The following ZFAT variants were observed in gnomAD, a reference collection of about 807,000 sequenced individuals.
The protein encoded by ZFAT is zinc finger protein ZFAT.
In ZFAT, 64 loss-of-function variants were observed where a neutral mutation model predicts 117.7. The observed-to-expected ratio is 0.54, with a 90% CI of 0.44 to 0.67. The LOEUF is 0.67. ZFAT is among the 30% of genes least tolerant of loss of function. ZFAT has a pLI of 0.00. For synonymous variants in ZFAT, 679 were observed against 615.0 expected (o/e 1.10, Z -1.54); for missense variants, 1,433 against 1,584.5 (o/e 0.90, Z 1.62).
chr8:134,815,359 AT>A, the ZFAT span, among the ~76,000 whole-genome samples: 5 of 152,092 alleles, frequency 3.3e-5, no homozygotes, highest in Non-Finnish European at 7.4e-5. Context: ...ACTTGCTGGG[AT>A]TTTTTTTAAT....
the ZFAT span, among the ~76,000 whole-genome samples, chr8:134,821,343 T>C: frequency 6.6e-6 from 1 of 152,114 alleles, no homozygotes; most frequent in South Asian, 2.1e-4. Context: ...GCCAAAAAAA[T>C]GCAATGCAAA....
At chr8:134,728,973 T>C in the ZFAT span, among the ~76,000 whole-genome samples, 1 of 152,354 alleles carries the variant, frequency 6.6e-6, no homozygotes, top group East Asian at 1.9e-4. Flanking sequence ...TATTTTCAAT[T>C]TTGAAATTGT....
intron 3 of ZFAT, among the ~76,000 whole-genome samples, chr8:134,631,628 C>T (rs546951776): frequency 4.5e-4 from 69 of 152,334 alleles, no homozygotes; most frequent in African/African-American, 1.5e-3. Context: ...AGTTGGAGAA[C>T]AGGCTGGCAG....
intron 13 of ZFAT, among the ~76,000 whole-genome samples, chr8:134,513,637 G>C (rs994111442): frequency 1.3e-5 from 2 of 152,178 alleles, no homozygotes; most frequent in African/African-American, 2.4e-5. Context: ...TACAGAACTA[G>C]ATGTTAATAA....
the ZFAT span, among the ~76,000 whole-genome samples, chr8:134,750,512 C>A: frequency 1.1e-4 from 16 of 152,066 alleles, no homozygotes; most frequent in African/African-American, 3.9e-4. Flanking sequence ...TGCTCCTAAT[C>A]TCAAATTGAA....
intron 15 of ZFAT, among the ~76,000 whole-genome samples, chr8:134,496,516 G>A (rs1198506220): frequency 6.6e-6 from 1 of 152,224 alleles, no homozygotes; most frequent in Non-Finnish European, 1.5e-5. Context: ...TGGAGAGCAT[G>A]AGGCTGCTCA....
At chr8:134,752,744 A>C in the ZFAT span, among the ~76,000 whole-genome samples, 16 of 152,272 alleles carry the variant, frequency 1.1e-4, no homozygotes, top group East Asian at 2.9e-3. Context: ...ATCTTTATGC[A>C]GCACGCTCAC....
chr8:134,601,604 G>A lies in ZFAT; in HGVS notation c.2115C>T (p.Ala705=). The change falls in exon 6 of 16, where the codon GCC becomes GCT. Residue 705 remains alanine, a synonymous_variant. Transcript: ENST00000377838. ...ITHQPDSCKA[A]PEHRSGITAF... is the part of the protein sequence containing the mutation. Reference sequence around the variant, plus strand: ...CGGTGATGCCTGACCGGTGCTCAGGGGCAGCTTTGCAAGAGTCAGGCTGAT... The same window carrying A: ...CGGTGATGCCTGACCGGTGCTCAGGAGCAGCTTTGCAAGAGTCAGGCTGAT... The A allele has an allele frequency of 6.2e-7, 1 of 1,614,208 alleles. No individual in the cohort carries two copies. The highest frequency in any genetic ancestry group is 8.5e-7 in the Non-Finnish European group (1 of 1,180,050).
the ZFAT span, chr8:134,797,278 G>A: frequency 6.6e-6 from 1 of 152,058 alleles, no homozygotes; most frequent in African/African-American, 2.4e-5. Context: ...AGTGGGGAAA[G>A]CTTATCATAA....
chr8:134,601,340 G>A lies in ZFAT; in HGVS notation c.2242+137C>T, dbSNP rs1031489806. 8.5e-5 allele frequency: 111 copies of A among 1,312,896 alleles called. 1 individual carries two copies. In the Middle Eastern group the frequency reaches 1.1e-3, roughly 13 times the overall value. The allele number at this position is 1,312,896 out of a possible 1,614,324, so 81.3% of individuals were successfully genotyped here. On this transcript the variant is annotated intron_variant, in intron 6 of 15. Coordinates refer to ENST00000377838, the MANE Select transcript of ZFAT (RefSeq NM_020863.4). ...GCGCTAACGGCCACACAGGGTCACC[G>A]TTCCTATCTACAATGGAGGAGGATG...
chr8:134,506,537 C>T (rs953848187), intron 15 of ZFAT, among the ~76,000 whole-genome samples: 5 of 152,156 alleles, frequency 3.3e-5, no homozygotes, highest in Non-Finnish European at 5.9e-5. Context: ...ACAGTTTTTT[C>T]CCAGCTCTCT....
the ZFAT span, among the ~76,000 whole-genome samples, chr8:134,733,632 A>G: frequency 3.1e-4 from 47 of 152,376 alleles, no homozygotes; most frequent in African/African-American, 1.0e-3. Context: ...GAGGCTGAGA[A>G]GGACGATGAC....
chr8:134,581,758 G>A (rs191734080), intron 10 of ZFAT, among the ~76,000 whole-genome samples: 22 of 152,224 alleles, frequency 1.4e-4, no homozygotes, highest in Non-Finnish European at 2.2e-4. Context: ...TTAATTTTTT[G>A]TATTTTTGGT....
intron 2 of ZFAT, among the ~76,000 whole-genome samples, chr8:134,648,686 C>T (rs570891535): frequency 6.6e-6 from 1 of 152,126 alleles, no homozygotes; most frequent in South Asian, 2.1e-4. Flanking sequence ...CAAATAGTCT[C>T]ACTGGTGAAT....
the ZFAT span, among the ~76,000 whole-genome samples, chr8:134,789,068 C>T: frequency 6.6e-6 from 1 of 152,110 alleles, no homozygotes. Context: ...TTCTATTTTG[C>T]AACTTTAAAT....
the ZFAT span, among the ~76,000 whole-genome samples, chr8:134,773,157 C>T: frequency 6.6e-6 from 1 of 151,658 alleles, no homozygotes; most frequent in South Asian, 2.1e-4. Flanking sequence ...GTCTGAGTCT[C>T]TCATTAGGGA....
chr8:134,804,927 C>T, the ZFAT span: 5 of 533,494 alleles, frequency 9.4e-6, no homozygotes, highest in South Asian at 4.2e-5. Context: ...AGCTTCCAGT[C>T]GGGGATGTTT....
chr8:134,583,264 C>T lies in ZFAT; in HGVS notation c.2887+568G>A, dbSNP rs577601825. Among the ~76,000 whole-genome samples the T allele has an allele frequency of 3.9e-5, 6 of 152,268 alleles. No individual in the cohort carries two copies. The South Asian group carries it at 1.2e-3, about 32-fold the overall frequency. Reference sequence around the variant, plus strand: ...AACTTGTCTCTACTTGACCTGGTATCCCTAGAACCTACCTCCCTGTCTAGC... The same window carrying T: ...AACTTGTCTCTACTTGACCTGGTATTCCTAGAACCTACCTCCCTGTCTAGC... On this transcript the variant is annotated intron_variant, in intron 10 of 15. Coordinates refer to ENST00000377838, the MANE Select transcript of ZFAT (RefSeq NM_020863.4).
chr8:134,491,090 A>T (rs1379285455), intron 15 of ZFAT, among the ~76,000 whole-genome samples: 1 of 152,240 alleles, frequency 6.6e-6, no homozygotes, highest in Admixed American at 6.5e-5. Flanking sequence ...TCTCCCAAAC[A>T]GTCACAAGGA....
Sources: gnomAD v4.1 joint callset for allele counts (sites outside exome capture counted in the v4.1 genomes callset) on GRCh38, gnomAD v4.1.1 for gene constraint, MANE v1.5 for transcripts, NCBI Gene and HGNC (gene_info 2026-07-23, HGNC 2026-07-21) for gene names.